TRIM2: variants seen among roughly 807,000 people sequenced by gnomAD.
TRIM2 encodes tripartite motif containing 2.
Under a neutral mutation model 75.2 loss-of-function variants are expected in TRIM2, and 20 were observed. The ratio of observed to expected loss-of-function variants is 0.27; its 90% CI spans 0.19 to 0.39. The LOEUF is 0.39. Ranked by LOEUF, TRIM2 falls within the 10% of genes least tolerant of loss-of-function variation. The pLI, the probability that TRIM2 is intolerant of heterozygous loss-of-function variation, is 1.00. For synonymous variants in TRIM2, 373 were observed against 388.3 expected, an observed-to-expected ratio of 0.96 and a Z score of 0.46; for missense variants, 660 against 990.8, an observed-to-expected ratio of 0.67 and a Z score of 4.48.
chr4:153,177,269 C>G (rs1299475186), intron 1 of TRIM2, among the ~76,000 whole-genome samples: 2 of 152,216 alleles, frequency 1.3e-5, no homozygotes, highest in Non-Finnish European at 2.9e-5. Flanking sequence ...CACGTACACC[C>G]CATTGGCAAA....
intron 1 of TRIM2, among the ~76,000 whole-genome samples, chr4:153,216,208 G>A (rs1168233430): frequency 2.0e-5 from 3 of 152,102 alleles, no homozygotes; most frequent in Non-Finnish European, 4.4e-5. Flanking sequence ...AAGCATCCCT[G>A]GAGACTAAGA....
chr4:153,304,101 A>T (rs1764491099), intron 6 of TRIM2, among the ~76,000 whole-genome samples: 1 of 151,832 alleles, frequency 6.6e-6, no homozygotes, highest in South Asian at 2.1e-4. Context: ...CCTAGAGATG[A>T]CTTTTTTTTT....
chr4:153,280,384 C>CTTTTTT (rs3048122), intron 3 of TRIM2, among the ~76,000 whole-genome samples: 1,984 of 116,952 alleles, frequency 0.017, 192 homozygotes, highest in African/African-American at 0.056. Flanking sequence ...CAGCAAATTC[C>CTTTTTT]TTTTTTTTTT....
intron 1 of TRIM2, among the ~76,000 whole-genome samples, chr4:153,221,691 T>C (rs888648387): frequency 8.7e-4 from 113 of 130,536 alleles, no homozygotes; most frequent in African/African-American, 3.1e-3. Context: ...GAAGGAAGGA[T>C]GGAGGGAGGA....
At chr4:153,233,052 G>C (rs1049026847) in intron 1 of TRIM2, among the ~76,000 whole-genome samples, 1 of 152,262 alleles carries the variant, frequency 6.6e-6, no homozygotes, top group Admixed American at 6.5e-5. Context: ...CTAATCACAA[G>C]AGTGGGTGCG....
At chr4:153,267,643 T>G (rs1192322401) in intron 1 of TRIM2, among the ~76,000 whole-genome samples, 1 of 152,140 alleles carries the variant, frequency 6.6e-6, no homozygotes, top group East Asian at 1.9e-4. Flanking sequence ...AAAGCGAGAC[T>G]CCATCTCAAA....
At chr4:153,316,295 A>G (rs1423407543) in intron 8 of TRIM2, among the ~76,000 whole-genome samples, 2 of 152,218 alleles carry the variant, frequency 1.3e-5, no homozygotes, top group African/African-American at 4.8e-5. Flanking sequence ...ATTCAATGAA[A>G]AACAACAAGG....
intron 1 of TRIM2, among the ~76,000 whole-genome samples, chr4:153,243,310 A>C (rs1047174018): frequency 6.6e-6 from 1 of 152,188 alleles, no homozygotes; most frequent in African/African-American, 2.4e-5. Flanking sequence ...TGTTGGGTTT[A>C]AAACTGAAGA....
At chr4:153,223,190 G>A (rs1035029684) in intron 1 of TRIM2, among the ~76,000 whole-genome samples, 3 of 152,180 alleles carry the variant, frequency 2.0e-5, no homozygotes, top group African/African-American at 4.8e-5. Context: ...GGGTCGGCGC[G>A]GCGCAGAGCT....
intron 8 of TRIM2, among the ~76,000 whole-genome samples, chr4:153,317,224 C>T (rs1767855747): frequency 6.6e-6 from 1 of 151,886 alleles, no homozygotes; most frequent in Non-Finnish European, 1.5e-5. Context: ...CTAGAGGCTT[C>T]TATTTCTGTT....
rs1742036676 is a variant in TRIM2 at position 153,226,044 on chromosome 4, A to T, written c.30+21484A>T. Among the ~76,000 whole-genome samples, 6 of 151,988 alleles carry T rather than the reference A, an allele frequency of 3.9e-5. No individual in the cohort carries two copies. The South Asian group carries it at 1.2e-3, about 32-fold the overall frequency. ...TGCCACCACACCCGACTAATTTTTA[A>T]ATTTTTTGTAGAGACAGTGGCTCAC... On this transcript the variant is annotated intron_variant, in intron 1 of 11. Transcript: ENST00000338700.
chr4:153,305,757 A>G (rs1579534672), intron 6 of TRIM2, among the ~76,000 whole-genome samples: 1 of 152,344 alleles, frequency 6.6e-6, no homozygotes, highest in African/African-American at 2.4e-5. Flanking sequence ...TCACAACACA[A>G]TAACCCCTTA....
Position 153,338,803 on chromosome 4 carries a change from A to T in TRIM2, c.*3837A>T. The T allele has an allele frequency of 1.0e-6, 1 of 985,858 alleles. No individual in the cohort carries two copies. Among genetic ancestry groups the T allele is most frequent in the Non-Finnish European group, 1.2e-6 (1 of 829,928 alleles). The allele number at this position is 985,858 out of a possible 1,614,324, so 61.1% of individuals were successfully genotyped here. A position where few individuals can be genotyped will look rare whatever the true frequency, so the allele number is the denominator to read the frequency against. On this transcript the variant is annotated 3_prime_UTR_variant, in exon 12 of 12. Transcript: ENST00000338700. Reference sequence around the variant, plus strand: ...CCAATGAATGTACAGCACTTCCATTAACTTTTGAAAGCAACACAGCCTTAA... The same window carrying T: ...CCAATGAATGTACAGCACTTCCATTTACTTTTGAAAGCAACACAGCCTTAA...
rs147507592 is a variant in TRIM2, at chr4:153,254,591, C to T, written c.31-15744C>T. Among the ~76,000 whole-genome samples, 26 of 152,306 alleles carry T rather than the reference C, an allele frequency of 1.7e-4. No individual in the cohort carries two copies. The East Asian group carries it at 4.8e-3, about 28-fold the overall frequency. On this transcript the variant is annotated intron_variant, in intron 1 of 11. Coordinates refer to ENST00000338700, the MANE Select transcript of TRIM2 (RefSeq NM_015271.5). The stretch of plus-strand genomic sequence containing the variant: ...GCAGCCACTATTACCATCTACCTAC[C>T]TGTTTTCAGGAAGTGCCAAGGAGAT...
At chr4:153,284,414 G>T (rs566483570) in intron 3 of TRIM2, among the ~76,000 whole-genome samples, 1 of 151,830 alleles carries the variant, frequency 6.6e-6, no homozygotes, top group South Asian at 2.1e-4. Context: ...GTGTTGGCCA[G>T]GCTGGTCTTG....
rs75856020 is a variant in TRIM2 at position 153,244,601 on chromosome 4, G to A, written c.31-25734G>A. Among the ~76,000 whole-genome samples the A allele has an allele frequency of 4.9e-4, 74 of 151,616 alleles. No individual in the cohort carries two copies. In the East Asian group the frequency reaches 0.014, roughly 29 times the overall value. On this transcript the variant is annotated intron_variant, in intron 1 of 11. Coordinates refer to ENST00000338700, the MANE Select transcript of TRIM2 (RefSeq NM_015271.5). The stretch of plus-strand genomic sequence containing the variant: ...AAGATGTACAAAAATTTGATTCTTG[G>A]AATGGATTTATAAGAAAGCTTTGCA...
chr4:153,293,145 C>A lies in TRIM2; in HGVS notation c.605+12C>A. ...GCTGTCAACAAAAGGTGGGGGACCC[C>A]TCCCCAAACCCCCAACTGGCTGCCT... is the stretch of plus-strand genomic sequence containing the variant. On this transcript the variant is annotated intron_variant, in intron 4 of 11. Transcript: ENST00000338700. 4 of 1,595,820 alleles carry A rather than the reference C, an allele frequency of 2.5e-6. No homozygotes were observed. The highest frequency in any genetic ancestry group is 3.4e-6 in the Non-Finnish European group (4 of 1,166,890).
intron 1 of TRIM2, among the ~76,000 whole-genome samples, chr4:153,255,699 C>T (rs1343407547): frequency 6.6e-6 from 1 of 152,206 alleles, no homozygotes; most frequent in African/African-American, 2.4e-5. Flanking sequence ...GGAAACAACC[C>T]AGTGTCCATC....
At chr4:153,279,402 A>G (rs1240795699) in intron 3 of TRIM2, among the ~76,000 whole-genome samples, 3 of 152,232 alleles carry the variant, frequency 2.0e-5, no homozygotes, top group East Asian at 1.9e-4. Flanking sequence ...CTAAAATTAC[A>G]TTAGTAACAC....
Sources: allele counts gnomAD v4.1 joint callset (sites outside exome capture counted in the v4.1 genomes callset), GRCh38; gene constraint gnomAD v4.1.1; transcripts MANE v1.5; gene names NCBI Gene and HGNC (gene_info 2026-07-23, HGNC 2026-07-21).